The following FTO variants were observed in gnomAD, a reference collection of about 807,000 sequenced individuals.
FTO encodes FTO alpha-ketoglutarate dependent dioxygenase.
Under a neutral mutation model 63.9 loss-of-function variants are expected in FTO, and 47 were observed. The observed-to-expected ratio is 0.74, with a 90% CI of 0.58 to 0.94. The LOEUF (loss-of-function observed/expected upper bound fraction) is 0.94. Among genes scored for constraint, FTO ranks in the 40% least tolerant of loss-of-function variants. The pLI is 0.00. For missense variants in FTO, 562 were observed against 618.1 expected (o/e 0.91, Z 0.96); for synonymous variants, 207 against 224.4 (o/e 0.92, Z 0.69).
intron 1 of FTO, among the ~76,000 whole-genome samples, chr16:53,805,023 T>C (rs2078326618): frequency 6.6e-6 from 1 of 152,232 alleles, no homozygotes; most frequent in African/African-American, 2.4e-5. Context: ...GATCATGCAG[T>C]TATTTTCACA....
intron 8 of FTO, among the ~76,000 whole-genome samples, chr16:53,973,621 C>T (rs545672751): frequency 5.2e-4 from 79 of 152,224 alleles, no homozygotes; most frequent in African/African-American, 1.8e-3. Flanking sequence ...AGCTCAGTCT[C>T]ACTGTGTGTA....
chr16:53,815,636 GTTTTTTTT>G (rs556357629), intron 2 of FTO, among the ~76,000 whole-genome samples: 46 of 98,158 alleles, frequency 4.7e-4, no homozygotes, highest in African/African-American at 2.2e-3. Flanking sequence ...TGACTTTCTT[GTTTTTTTT>G]TTTTTTTTTT....
chr16:54,107,005 TTA>T (rs2144618193), intron 8 of FTO, among the ~76,000 whole-genome samples: 1 of 145,696 alleles, frequency 6.9e-6, no homozygotes, highest in African/African-American at 2.5e-5. Context: ...ACATTACATA[TTA>T]TATATTATAC....
intron 3 of FTO, among the ~76,000 whole-genome samples, chr16:53,834,048 G>A (rs765380349): frequency 6.0e-5 from 9 of 150,460 alleles, no homozygotes; most frequent in East Asian, 2.0e-4. Flanking sequence ...TTTTTGAGAC[G>A]GAGTCTCGGT....
intron 6 of FTO, among the ~76,000 whole-genome samples, chr16:53,881,077 G>A (rs750273568): frequency 1.4e-4 from 21 of 150,834 alleles, no homozygotes; most frequent in Admixed American, 1.3e-3. Context: ...AGCCAAGATC[G>A]CGTGACTGCA....
chr16:53,833,324 T>C (rs2079194453), intron 3 of FTO, among the ~76,000 whole-genome samples: 1 of 152,236 alleles, frequency 6.6e-6, no homozygotes, highest in Non-Finnish European at 1.5e-5. Flanking sequence ...ACAACTATTT[T>C]ACTTAACATA....
At chr16:54,023,624 G>A (rs548387207) in intron 8 of FTO, among the ~76,000 whole-genome samples, 4 of 152,292 alleles carry the variant, frequency 2.6e-5, no homozygotes, top group Admixed American at 1.3e-4. Flanking sequence ...TAGCATTCTC[G>A]TTAATCTACA....
chr16:53,843,686 C>G (rs1697853360), intron 3 of FTO, among the ~76,000 whole-genome samples: 1 of 152,074 alleles, frequency 6.6e-6, no homozygotes, highest in African/African-American at 2.4e-5. Context: ...AAAATGATCC[C>G]TTTGGTCTTT....
At chr16:53,751,260 C>T (rs1369986465) in intron 1 of FTO, among the ~76,000 whole-genome samples, 1 of 152,024 alleles carries the variant, frequency 6.6e-6, no homozygotes, top group African/African-American at 2.4e-5. Flanking sequence ...AAAAATTTAC[C>T]ATCCTGGCTA....
intron 1 of FTO, among the ~76,000 whole-genome samples, chr16:53,774,102 G>T (rs1335013698): frequency 6.6e-6 from 1 of 152,040 alleles, no homozygotes; most frequent in East Asian, 1.9e-4. Context: ...TTAGAATGTG[G>T]TCAGAATTAA....
At chr16:53,806,310 G>C (rs959532693) in intron 1 of FTO, among the ~76,000 whole-genome samples, 2 of 152,124 alleles carry the variant, frequency 1.3e-5, no homozygotes, top group African/African-American at 4.8e-5. Flanking sequence ...ATTGGTAATA[G>C]GTAAGACGTT....
intron 7 of FTO, among the ~76,000 whole-genome samples, chr16:53,898,573 C>T (rs982249173): frequency 6.6e-6 from 1 of 152,172 alleles, no homozygotes; most frequent in African/African-American, 2.4e-5. Flanking sequence ...GCCTCTAGAA[C>T]AGCATCTACT....
At chr16:54,097,332 T>TTTGTTG (rs576780405) in intron 8 of FTO, among the ~76,000 whole-genome samples, 1 of 151,776 alleles carries the variant, frequency 6.6e-6, no homozygotes, top group Non-Finnish European at 1.5e-5. Context: ...TTGTTTTTTT[T>TTTGTTG]TTGTTGTTGT....
At chr16:53,911,371 G>C in intron 7 of FTO, 1 of 703,244 alleles carries the variant, frequency 1.4e-6, no homozygotes, top group Non-Finnish European at 2.6e-6. Flanking sequence ...ACCAGGAGTA[G>C]GTGGTAGAAT....
intron 7 of FTO, among the ~76,000 whole-genome samples, chr16:53,921,019 C>A (rs2081995021): frequency 6.6e-6 from 1 of 152,130 alleles, no homozygotes; most frequent in Non-Finnish European, 1.5e-5. Flanking sequence ...TAACAAAGAG[C>A]CTTTTCTGCT....
rs35826323 is a variant in FTO at position 53,860,881 on chromosome 16, AACACAC to A, written c.896-12874_896-12869del. On this transcript the variant is annotated intron_variant, in intron 4 of 8. Coordinates refer to ENST00000471389, the MANE Select transcript of FTO (RefSeq NM_001080432.3). Reference sequence around the variant, plus strand: ...AAGAGAGTAGATCTTAAATGTTTTTAACACACACACACACACACACACACACACACA... The same window carrying A: ...AAGAGAGTAGATCTTAAATGTTTTTAACACACACACACACACACACACACA... Among the ~76,000 whole-genome samples, 830 of 145,826 alleles carry A rather than the reference AACACAC, an allele frequency of 5.7e-3. 6 individuals are homozygous for A. The highest frequency in any genetic ancestry group is 0.022 in the East Asian group (108 of 4,932).
chr16:53,770,323 A>G (rs2077305943), intron 1 of FTO, among the ~76,000 whole-genome samples: 1 of 152,208 alleles, frequency 6.6e-6, no homozygotes, highest in African/African-American at 2.4e-5. Flanking sequence ...AATTTCCAAG[A>G]ATTCCCAAGT....
At chr16:53,751,345 C>G (rs1490637549) in intron 1 of FTO, among the ~76,000 whole-genome samples, 2 of 152,038 alleles carry the variant, frequency 1.3e-5, no homozygotes, top group African/African-American at 4.8e-5. Context: ...GTAGTCCCAG[C>G]TATTTGGGAG....
intron 4 of FTO, among the ~76,000 whole-genome samples, chr16:53,853,663 T>A (rs2079883406): frequency 6.6e-6 from 1 of 152,234 alleles, no homozygotes; most frequent in Non-Finnish European, 1.5e-5. Flanking sequence ...TCATTTTTTT[T>A]AATGACTGAG....
Sources: allele counts gnomAD v4.1 joint callset (sites outside exome capture counted in the v4.1 genomes callset), GRCh38; gene constraint gnomAD v4.1.1; transcripts MANE v1.5; gene names NCBI Gene and HGNC (gene_info 2026-07-23, HGNC 2026-07-21).